CCSER2: variants seen among roughly 807,000 people sequenced by gnomAD.
CCSER2 encodes coiled-coil serine rich protein 2.
Under a neutral mutation model 92.3 loss-of-function variants are expected in CCSER2, and 46 were observed. That is an observed-to-expected ratio of 0.50 (90% confidence interval 0.39 to 0.64). CCSER2 has a LOEUF of 0.64. Among genes scored for constraint, CCSER2 ranks in the 30% least tolerant of loss-of-function variants. The pLI is 0.00. For synonymous variants in CCSER2, 433 were observed against 431.4 expected (o/e 1.00, Z -0.04); for missense variants, 1,244 against 1,238.9 (o/e 1.00, Z -0.06).
chr10:84,447,806 CTTTTG>C (rs1175210073), intron 6 of CCSER2, among the ~76,000 whole-genome samples: 5 of 151,988 alleles, frequency 3.3e-5, no homozygotes, highest in African/African-American at 7.3e-5. Context: ...GAGTTCGTTT[CTTTTG>C]TTTTGTTTTG....
chr10:84,334,830 A>G (rs190741910), intron 1 of CCSER2, among the ~76,000 whole-genome samples: 2 of 152,162 alleles, frequency 1.3e-5, no homozygotes, highest in African/African-American at 2.4e-5. Context: ...TTTTTCTACA[A>G]CCATTTGCTT....
intron 3 of CCSER2, among the ~76,000 whole-genome samples, chr10:84,403,787 G>A (rs934439752): frequency 6.6e-6 from 1 of 152,106 alleles, no homozygotes; most frequent in Non-Finnish European, 1.5e-5. Context: ...TAGTGAAAAT[G>A]CCGAGAAACA....
chr10:84,470,844 A>G (rs1846748696), intron 8 of CCSER2, among the ~76,000 whole-genome samples: 1 of 152,062 alleles, frequency 6.6e-6, no homozygotes, highest in Admixed American at 6.5e-5. Flanking sequence ...AGATTTAGGT[A>G]GCTGCATCAC....
intron 6 of CCSER2, among the ~76,000 whole-genome samples, chr10:84,451,274 G>GTT (rs1195724382): frequency 1.7e-5 from 2 of 119,994 alleles, no homozygotes; most frequent in Middle Eastern, 4.0e-3. Context: ...TTTGTTTTTT[G>GTT]TTTTTTTTTT....
chr10:84,420,900 T>C (rs1843112282), intron 4 of CCSER2, among the ~76,000 whole-genome samples: 1 of 137,150 alleles, frequency 7.3e-6, no homozygotes, highest in African/African-American at 2.7e-5. Flanking sequence ...GCTACTGCAC[T>C]CCAGCCTGGG....
rs1849522091 is a variant in CCSER2 at position 84,514,306 on chromosome 10, A to G, written c.*39A>G. The G allele has an allele frequency of 1.2e-5, 17 of 1,387,172 alleles. No homozygotes were observed. The East Asian group carries it at 4.0e-4, about 33-fold the overall frequency. The allele number at this position is 1,387,172 out of a possible 1,614,324, so 85.9% of individuals were successfully genotyped here. On this transcript the variant is annotated 3_prime_UTR_variant, in exon 10 of 10. Transcript: ENST00000372088. Reference sequence around the variant, plus strand: ...ACCTGCCAATTTGTTTCTTAAAAACAATCTCTTCTGTAATAGCTTTATGTG... The same window carrying G: ...ACCTGCCAATTTGTTTCTTAAAAACGATCTCTTCTGTAATAGCTTTATGTG...
At chr10:84,403,713 T>G (rs958036181) in intron 3 of CCSER2, among the ~76,000 whole-genome samples, 1 of 152,072 alleles carries the variant, frequency 6.6e-6, no homozygotes, top group Non-Finnish European at 1.5e-5. Flanking sequence ...AAATTGCAAA[T>G]TAAAATCACA....
At chr10:84,506,560 A>C (rs549237489) in intron 9 of CCSER2, among the ~76,000 whole-genome samples, 3 of 151,870 alleles carry the variant, frequency 2.0e-5, no homozygotes, top group African/African-American at 4.8e-5. Context: ...TTGGGAGGCC[A>C]AGGTGGGTGG....
intron 9 of CCSER2, among the ~76,000 whole-genome samples, chr10:84,490,412 C>T (rs1848088073): frequency 6.6e-6 from 1 of 152,172 alleles, no homozygotes; most frequent in Non-Finnish European, 1.5e-5. Context: ...CACATAGTCC[C>T]ATATTTCTTG....
At chr10:84,465,993 G>A (rs1018269657) in intron 7 of CCSER2, among the ~76,000 whole-genome samples, 4 of 152,094 alleles carry the variant, frequency 2.6e-5, no homozygotes, top group African/African-American at 4.8e-5. Context: ...CCGCTTCGGC[G>A]TCCCAAAGTG....
intron 9 of CCSER2, among the ~76,000 whole-genome samples, chr10:84,483,953 T>TTATATATATATATA (rs57427963): frequency 2.5e-4 from 12 of 48,020 alleles, no homozygotes; most frequent in Admixed American, 9.2e-4. Context: ...CCCGGCTAAT[T>TTATATATATATATA]TATATATATA....
At chr10:84,416,664 C>G (rs1333396069) in intron 3 of CCSER2, among the ~76,000 whole-genome samples, 1 of 152,108 alleles carries the variant, frequency 6.6e-6, no homozygotes, top group African/African-American at 2.4e-5. Context: ...CGCGGTAGCT[C>G]AAGTCTGTAA....
intron 1 of CCSER2, among the ~76,000 whole-genome samples, chr10:84,363,980 T>C (rs1845648812): frequency 6.6e-6 from 1 of 152,234 alleles, no homozygotes; most frequent in Admixed American, 6.5e-5. Flanking sequence ...TACAGCATAT[T>C]ACTGTATTGA....
At position 84,470,450 on chromosome 10, in the gene CCSER2, C is replaced by A; in HGVS notation, c.2227C>A (p.Leu743Ile). The change falls in exon 8 of 10, where the codon CTT (leucine) becomes ATT (isoleucine). Residue 743 changes from leucine to isoleucine, a missense_variant. Transcript: ENST00000372088. ...KKDEKIQLLE[L>I]QLATQHICHQ... ...AGATGAAAAGATCCAACTATTAGAA[C>A]TTCAGCTTGTAAGTATTGTAGTATA... is the stretch of plus-strand genomic sequence containing the variant. 7.1e-7 allele frequency: 1 copy of A among 1,414,750 alleles called. No homozygotes were observed. The highest frequency in any genetic ancestry group is 1.8e-4 in the Middle Eastern group (1 of 5,420). The allele number at this position is 1,414,750 out of a possible 1,614,324, so 87.6% of individuals were successfully genotyped here. A position where few individuals can be genotyped will look rare whatever the true frequency, so the allele number is the denominator to read the frequency against.
chr10:84,479,882 A>G (rs766893102), intron 9 of CCSER2, among the ~76,000 whole-genome samples: 4 of 152,132 alleles, frequency 2.6e-5, no homozygotes, highest in Non-Finnish European at 5.9e-5. Context: ...GAAAAGGATC[A>G]TAGCTCTGGG....
At chr10:84,483,954 T>TAC (rs1767345056) in intron 9 of CCSER2, among the ~76,000 whole-genome samples, 5 of 88,182 alleles carry the variant, frequency 5.7e-5, no homozygotes, top group Non-Finnish European at 7.9e-5. Flanking sequence ...CCGGCTAATT[T>TAC]ATATATATAT....
intron 3 of CCSER2, among the ~76,000 whole-genome samples, chr10:84,409,890 T>C (rs1842563578): frequency 6.6e-6 from 1 of 152,184 alleles, no homozygotes; most frequent in Non-Finnish European, 1.5e-5. Flanking sequence ...CCATTAGTTA[T>C]TCTTCCTGAT....
At chr10:84,351,725 TA>T (rs1458988575) in intron 1 of CCSER2, among the ~76,000 whole-genome samples, 5 of 152,134 alleles carry the variant, frequency 3.3e-5, no homozygotes. Flanking sequence ...AAGGAGAAAA[TA>T]TAATGCTTGG....
chr10:84,423,131 T>C (rs573536008), intron 4 of CCSER2, among the ~76,000 whole-genome samples: 1 of 152,294 alleles, frequency 6.6e-6, no homozygotes, highest in Admixed American at 6.5e-5. Context: ...TCATTTCTTC[T>C]CTATTGTTTC....
Sources: allele counts gnomAD v4.1 joint callset (sites outside exome capture counted in the v4.1 genomes callset), GRCh38; gene constraint gnomAD v4.1.1; transcripts MANE v1.5; gene names NCBI Gene and HGNC (gene_info 2026-07-23, HGNC 2026-07-21).